Variants in FAM177A1 observed in about 807,000 individuals in gnomAD.
The protein encoded by FAM177A1 is protein FAM177A1.
In FAM177A1, 22 loss-of-function variants were observed where a neutral mutation model predicts 26.1. The ratio of observed to expected loss-of-function variants is 0.84; its 90% confidence interval spans 0.60 to 1.20. The LOEUF (loss-of-function observed/expected upper bound fraction) is 1.20, where lower values mean the gene tolerates loss of function less well. Among genes scored for constraint, FAM177A1 ranks in the 50% most tolerant of loss-of-function variants. The pLI, the probability that FAM177A1 is intolerant of heterozygous loss-of-function variation, is 0.00. For missense variants in FAM177A1, 296 were observed against 291.1 expected (o/e 1.02, Z -0.12); for synonymous variants, 95 against 99.3 (o/e 0.96, Z 0.26).
chr14:35,059,161 G>T (rs1192166958), intron 2 of FAM177A1, among the ~76,000 whole-genome samples: 1 of 152,100 alleles, frequency 6.6e-6, no homozygotes, highest in Admixed American at 6.6e-5. Flanking sequence ...TCCTGACCTT[G>T]TGATCCACCT....
At chr14:35,046,067 C>T (rs1462910622), upstream of FAM177A1, 2 of 164,934 alleles carry the variant, frequency 1.2e-5, no homozygotes, top group Non-Finnish European at 2.6e-5. Flanking sequence ...CGAGGTCCTG[C>T]GGGGTGACTG....
chr14:35,074,888 A>G (rs1452109656), intron 2 of FAM177A1, among the ~76,000 whole-genome samples: 4 of 151,884 alleles, frequency 2.6e-5, no homozygotes, highest in Non-Finnish European at 5.9e-5. Context: ...TAAACATACA[A>G]AAATTTGTGC....
chr14:35,050,446 G>T (rs2044946796), intron 1 of FAM177A1: 1 of 151,988 alleles, frequency 6.6e-6, no homozygotes, highest in African/African-American at 2.4e-5. Context: ...TTACCTGTTA[G>T]TGCTTCCTTC....
At chr14:35,056,154 C>T (rs1345474441) in intron 2 of FAM177A1, among the ~76,000 whole-genome samples, 1 of 151,978 alleles carries the variant, frequency 6.6e-6, no homozygotes, top group East Asian at 1.9e-4. Context: ...CCTGCCTCAG[C>T]CTCCTGAGTA....
upstream of FAM177A1, chr14:35,045,299 T>A (rs1009137658): frequency 6.6e-6 from 1 of 152,188 alleles, no homozygotes; most frequent in African/African-American, 2.4e-5. Context: ...GGTTTTCAAA[T>A]GATTATTTGT....
chr14:35,076,137 A>G (rs1428386254), intron 2 of FAM177A1, among the ~76,000 whole-genome samples: 6 of 152,198 alleles, frequency 3.9e-5, no homozygotes, highest in Non-Finnish European at 7.3e-5. Context: ...AAAGACACAT[A>G]CACATGTATG....
At chr14:35,063,204 G>A (rs971102309) in intron 2 of FAM177A1, among the ~76,000 whole-genome samples, 108 of 149,006 alleles carry the variant, frequency 7.2e-4, no homozygotes, top group African/African-American at 2.5e-3. Flanking sequence ...TCAGATTTTA[G>A]TATCATTTTA....
intron 2 of FAM177A1, 96 bp downstream of exon 2, chr14:35,053,547 A>G (rs1174281708): frequency 4.4e-5 from 45 of 1,024,610 alleles, no homozygotes; most frequent in Non-Finnish European, 8.9e-6. Flanking sequence ...TTGAGGTTTA[A>G]ATCAACTATA....
chr14:35,052,246 TTTC>T (rs750662311), intron 1 of FAM177A1, among the ~76,000 whole-genome samples: 9 of 151,996 alleles, frequency 5.9e-5, no homozygotes, highest in Non-Finnish European at 8.8e-5. Context: ...TTCAGGCAGT[TTTC>T]TTTTTTTTTT....
intron 1 of FAM177A1, among the ~76,000 whole-genome samples, chr14:35,047,773 CAACAACAACAA>C (rs1566665068): frequency 7.3e-6 from 1 of 136,802 alleles, no homozygotes; most frequent in Non-Finnish European, 1.6e-5. Flanking sequence ...ACAACAACAA[CAACAACAACAA>C]AAAAAAAACC....
At chr14:35,047,754 GCAACAACAA>G (rs141401661) in intron 1 of FAM177A1, among the ~76,000 whole-genome samples, 59,969 of 133,950 alleles carry the variant, frequency 0.45, 12,448 homozygotes, top group Non-Finnish European at 0.54. Flanking sequence ...TCTCAAAACA[GCAACAACAA>G]CAACAACAAC....
In FAM177A1 at chr14:35,056,404, AGAG is replaced by A. The variant is rs536078757; in HGVS notation, c.339+2954_339+2956del. On this transcript the variant is annotated intron_variant, in intron 2 of 4. Coordinates refer to ENST00000280987, the MANE Select transcript of FAM177A1 (RefSeq NM_173607.5). ...AGAGTCTCACTCTGTCACCCAGGCT[AGAG>A]TGCGGTGGTATGATCTTGGCTTACT... Among the ~76,000 whole-genome samples, 1,406 of 147,270 alleles carry A rather than the reference AGAG, an allele frequency of 9.5e-3. 15 individuals are homozygous for A. The highest frequency in any genetic ancestry group is 0.015 in the Non-Finnish European group (976 of 66,592).
chr14:35,057,468 C>T (rs1156490630), intron 2 of FAM177A1, among the ~76,000 whole-genome samples: 6 of 152,152 alleles, frequency 3.9e-5, no homozygotes, highest in South Asian at 2.1e-4. Context: ...CAACCTCTGC[C>T]TCCTGGATTC....
intron 2 of FAM177A1, among the ~76,000 whole-genome samples, chr14:35,074,211 C>T (rs2045361653): frequency 6.6e-6 from 1 of 152,212 alleles, no homozygotes; most frequent in Non-Finnish European, 1.5e-5. Context: ...GTGGTGCAGT[C>T]TTGGCTCACT....
intron 2 of FAM177A1, among the ~76,000 whole-genome samples, chr14:35,067,529 C>T (rs532183455): frequency 1.3e-5 from 2 of 152,172 alleles, no homozygotes; most frequent in African/African-American, 4.8e-5. Flanking sequence ...ATTCCAGTTC[C>T]TTTCAATATA....
At chr14:35,076,597 TA>T (rs958312862) in intron 2 of FAM177A1, among the ~76,000 whole-genome samples, 3 of 150,762 alleles carry the variant, frequency 2.0e-5, no homozygotes, top group Non-Finnish European at 3.0e-5. Context: ...ATAATAATAA[TA>T]AAAAAAAAGA....
At position 35,082,368 on chromosome 14, in the gene FAM177A1, C is replaced by G. The variant is rs972109029; in HGVS notation, c.*1140C>G. On this transcript the variant is annotated 3_prime_UTR_variant, in exon 5 of 5. Coordinates refer to ENST00000280987, the MANE Select transcript of FAM177A1 (RefSeq NM_173607.5). ...GTCTCTACAAAAATACAAAAATTAGCCAGGCGTGGTGGTGCACGTCTGTAA... is the reference window on the plus strand; with the variant it reads ...GTCTCTACAAAAATACAAAAATTAGGCAGGCGTGGTGGTGCACGTCTGTAA... 6.6e-6 allele frequency: 1 copy of G among 152,006 alleles called. No homozygotes were observed. The highest frequency in any genetic ancestry group is 1.5e-5 in the Non-Finnish European group (1 of 68,048). The allele number at this position is 152,006 out of a possible 1,614,324, so 9.4% of individuals were successfully genotyped here.
In FAM177A1 at chr14:35,082,960, C is replaced by A. The variant is rs547090737; in HGVS notation, c.*1732C>A. The A allele has an allele frequency of 3.3e-5, 5 of 152,200 alleles. No homozygotes were observed. The highest frequency in any genetic ancestry group is 2.1e-4 in the South Asian group (1 of 4,814). The allele number at this position is 152,200 out of a possible 1,614,324, so 9.4% of individuals were successfully genotyped here. Reference sequence around the variant, plus strand: ...TAATCTTTTTATTCATGGGTGTAAACCCTTTATAACTTAGTGCTTAAAATA... The same window carrying A: ...TAATCTTTTTATTCATGGGTGTAAAACCTTTATAACTTAGTGCTTAAAATA... On this transcript the variant is annotated 3_prime_UTR_variant, in exon 5 of 5. Coordinates refer to ENST00000280987, the MANE Select transcript of FAM177A1 (RefSeq NM_173607.5).
intron 2 of FAM177A1, among the ~76,000 whole-genome samples, chr14:35,064,614 ATTAC>A (rs1424422223): frequency 1.3e-5 from 2 of 152,200 alleles, no homozygotes; most frequent in East Asian, 3.9e-4. Context: ...TAGAATAATA[ATTAC>A]TTAAGTCTTT....
Sources: allele counts gnomAD v4.1 joint callset (sites outside exome capture counted in the v4.1 genomes callset), GRCh38; gene constraint gnomAD v4.1.1; transcripts MANE v1.5; gene names NCBI Gene and HGNC (gene_info 2026-07-23, HGNC 2026-07-21).